The following ARID4B variants were observed in gnomAD, a reference collection of about 807,000 sequenced individuals.
ARID4B encodes AT-rich interactive domain-containing protein 4B.
In ARID4B, 26 loss-of-function variants were observed where a neutral mutation model predicts 147.5. The ratio of observed to expected loss-of-function variants is 0.18; its 90% CI spans 0.13 to 0.24. The LOEUF is 0.24. Ranked by LOEUF, ARID4B falls within the 10% of genes least tolerant of loss-of-function variation. The probability of loss-of-function intolerance (pLI) is 1.00; values close to 1 mark genes in which losing one functional copy is unlikely to be tolerated. For missense variants in ARID4B, 1,179 were observed against 1,511.5 expected, an observed-to-expected ratio of 0.78 and a Z score of 3.65; for synonymous variants, 512 against 507.9, an observed-to-expected ratio of 1.01 and a Z score of -0.11.
intron 19 of ARID4B, chr1:235,189,885 AC>A (rs1400420506): frequency 6.5e-6 from 1 of 153,686 alleles, no homozygotes; most frequent in Non-Finnish European, 1.5e-5. Context: ...AAAAATAGTA[AC>A]AATGAACAAA....
At chr1:235,232,118 C>T (rs1668276427) in intron 9 of ARID4B, among the ~76,000 whole-genome samples, 1 of 152,056 alleles carries the variant, frequency 6.6e-6, no homozygotes, top group African/African-American at 2.4e-5. Flanking sequence ...AAGATCCCAT[C>T]TCTTAAAAAA....
Position 235,252,751 on chromosome 1 carries a change from C to G in ARID4B, c.333G>C (p.Glu111Asp). ...TTACTTCACTTTCAGCAAAATGCCT[C>G]TCTCCTTTCAGGCACAGTGAAGATC... ...LRRSSLCLKG[E>D]RHFAESETLD... Residue 111 changes from glutamate (E) to aspartate (D), a missense_variant, in exon 6 of 24, where the codon GAG (glutamate) becomes GAC (aspartate). Transcript: ENST00000264183. The G allele has an allele frequency of 1.9e-6, 3 of 1,611,428 alleles. No individual in the cohort carries two copies. Among genetic ancestry groups the G allele is most frequent in the Non-Finnish European group, 2.5e-6 (3 of 1,178,724 alleles).
rs1558237014 is a variant in ARID4B at position 235,240,401 on chromosome 1, C to T, written c.497G>A (p.Arg166Lys). 12 of 1,613,462 alleles carry T rather than the reference C, an allele frequency of 7.4e-6. No individual in the cohort carries two copies. The highest frequency in any genetic ancestry group is 1.0e-5 in the Non-Finnish European group (12 of 1,179,590). ...SSSSDEDEDD[R>K]KQIDELLGKV... is the part of the protein sequence containing the mutation. Reference sequence around the variant, plus strand: ...GCCTAGTAGCTCATCAATCTGTTTCCTATCATCCTCATCTTCATCACTGGA... The same window carrying T: ...GCCTAGTAGCTCATCAATCTGTTTCTTATCATCCTCATCTTCATCACTGGA... Residue 166 changes from arginine to lysine, a missense_variant, in exon 8 of 24, where the codon AGG (arginine) becomes AAG (lysine). Arg to Lys is a conservative substitution (Grantham distance 26, BLOSUM62 2). Coordinates refer to ENST00000264183, the MANE Select transcript of ARID4B (RefSeq NM_016374.6).
At chr1:235,179,548 A>C (rs1441601278) in intron 20 of ARID4B, among the ~76,000 whole-genome samples, 4 of 150,106 alleles carry the variant, frequency 2.7e-5, no homozygotes, top group African/African-American at 9.7e-5. Flanking sequence ...AAAAAAAAAA[A>C]AAAAACCCAA....
chr1:235,231,317 A>G (rs996403449), intron 9 of ARID4B, 128 bp from the exon 10 acceptor site: 32 of 561,328 alleles, frequency 5.7e-5, no homozygotes, highest in Non-Finnish European at 9.2e-5. Context: ...GTTTACAATA[A>G]AAGTGATTGC....
chr1:235,204,215 G>A (rs967354458), intron 17 of ARID4B, among the ~76,000 whole-genome samples: 4 of 152,064 alleles, frequency 2.6e-5, no homozygotes, highest in Non-Finnish European at 5.9e-5. Context: ...CCAGCTACTC[G>A]GGAGGCTGAG....
intron 8 of ARID4B, among the ~76,000 whole-genome samples, chr1:235,236,591 G>A (rs1668573273): frequency 6.6e-6 from 1 of 150,856 alleles, no homozygotes; most frequent in African/African-American, 2.4e-5. Flanking sequence ...TCAGCTCACT[G>A]CAACCTCCAC....
chr1:235,302,894 G>A (rs1331600375), intron 2 of ARID4B, among the ~76,000 whole-genome samples: 2 of 152,124 alleles, frequency 1.3e-5, no homozygotes, highest in East Asian at 1.9e-4. Context: ...AATAGTGCCA[G>A]GATTAGAATT....
intron 19 of ARID4B, among the ~76,000 whole-genome samples, chr1:235,191,525 G>A (rs1000987000): frequency 6.6e-6 from 1 of 151,946 alleles, no homozygotes; most frequent in Admixed American, 6.6e-5. Flanking sequence ...AAAAGTGCTG[G>A]GATTACAGGA....
At chr1:235,238,840 G>A (rs1339214759) in intron 8 of ARID4B, among the ~76,000 whole-genome samples, 2 of 148,240 alleles carry the variant, frequency 1.3e-5, no homozygotes, top group Non-Finnish European at 1.5e-5. Flanking sequence ...GGGTAACGGA[G>A]TAAGCCTCTG....
At chr1:235,243,188 A>AT (rs1158356162) in intron 7 of ARID4B, among the ~76,000 whole-genome samples, 1 of 151,882 alleles carries the variant, frequency 6.6e-6, no homozygotes, top group African/African-American at 2.4e-5. Flanking sequence ...AGATGCATTT[A>AT]TTTTTTTATT....
At chr1:235,270,940 T>G (rs1395142587) in intron 2 of ARID4B, among the ~76,000 whole-genome samples, 1 of 152,172 alleles carries the variant, frequency 6.6e-6, no homozygotes, top group Non-Finnish European at 1.5e-5. Context: ...GTTTAATGTA[T>G]CTGGGCATGT....
intron 19 of ARID4B, among the ~76,000 whole-genome samples, chr1:235,189,225 C>T (rs1664903419): frequency 6.6e-6 from 1 of 150,914 alleles, no homozygotes; most frequent in Admixed American, 6.6e-5. Flanking sequence ...ATGGTGAAAC[C>T]CCATCTCTAC....
At chr1:235,194,406 G>C (rs909867459) in intron 18 of ARID4B, among the ~76,000 whole-genome samples, 195 bp from the exon 19 acceptor site, 2 of 152,050 alleles carry the variant, frequency 1.3e-5, no homozygotes, top group African/African-American at 4.8e-5. Flanking sequence ...ATGATCAAAA[G>C]GTTTTGTATT....
At chr1:235,241,654 G>A (rs1197178956) in intron 7 of ARID4B, among the ~76,000 whole-genome samples, 1 of 152,002 alleles carries the variant, frequency 6.6e-6, no homozygotes, top group Admixed American at 6.6e-5. Context: ...GAGTAGCTGG[G>A]ATTACAGGTG....
In ARID4B at chr1:235,252,838, C is replaced by A. The variant is rs770105438; in HGVS notation, c.275-29G>T. 6.3e-6 allele frequency: 10 copies of A among 1,585,864 alleles called. 1 individual carries two copies. The South Asian group carries it at 1.0e-4, about 16-fold the overall frequency. ...TGAGAGGGGGTAAAAATGGAAGCTA[C>A]TGAAGGATTTTTTCAAAGATCAAAG... On this transcript the variant is annotated intron_variant, in intron 5 of 23. Transcript: ENST00000264183.
At chr1:235,326,798 T>G (rs1298181516) in intron 2 of ARID4B, 116 bp downstream of exon 2, 9 of 1,363,682 alleles carry the variant, frequency 6.6e-6, no homozygotes, top group Non-Finnish European at 9.4e-6. Context: ...GGTCACCAAG[T>G]CACCAAACAC....
intron 21 of ARID4B, 46 bp from the exon 22 acceptor site, chr1:235,175,445 A>G (rs1350027763): frequency 6.8e-7 from 1 of 1,470,604 alleles, no homozygotes; most frequent in South Asian, 1.2e-5. Context: ...GTAACAATAA[A>G]TTTGTCACAG....
intron 2 of ARID4B, among the ~76,000 whole-genome samples, chr1:235,310,338 C>T (rs1169983500): frequency 1.3e-5 from 2 of 152,086 alleles, no homozygotes; most frequent in Admixed American, 6.6e-5. Context: ...CACTAAATGG[C>T]AACAACTTTA....
Sources: allele counts gnomAD v4.1 joint callset (sites outside exome capture counted in the v4.1 genomes callset), GRCh38; gene constraint gnomAD v4.1.1; transcripts MANE v1.5; gene names NCBI Gene and HGNC (gene_info 2026-07-23, HGNC 2026-07-21).